CLSTN2: variants seen among roughly 807,000 people sequenced by gnomAD.
The protein encoded by CLSTN2 is calsyntenin-2.
In CLSTN2, 48 loss-of-function variants were observed where a neutral mutation model predicts 101.2. The observed-to-expected ratio is 0.47, with a 90% CI of 0.38 to 0.60. The LOEUF (loss-of-function observed/expected upper bound fraction) is 0.60, where lower values mean the gene tolerates loss of function less well. CLSTN2 is among the 20% of genes least tolerant of loss of function. CLSTN2 has a pLI of 0.00. For missense variants in CLSTN2, 1,160 were observed against 1,238.2 expected (o/e 0.94, Z 0.95); for synonymous variants, 481 against 463.6 (o/e 1.04, Z -0.48).
At chr3:140,549,509 A>G (rs1935667613) in intron 10 of CLSTN2, among the ~76,000 whole-genome samples, 1 of 150,882 alleles carries the variant, frequency 6.6e-6, no homozygotes, top group Non-Finnish European at 1.5e-5. Context: ...TAAGACGCCC[A>G]ATTTATGGAG....
chr3:140,448,599 G>A lies in CLSTN2; in HGVS notation c.868G>A (p.Gly290Arg). The A allele has an allele frequency of 6.2e-6, 10 of 1,614,130 alleles. No homozygotes were observed. Among genetic ancestry groups the A allele is most frequent in the Non-Finnish European group, 8.5e-6 (10 of 1,179,998 alleles). ...CAGCATCCACCTGGAGACGTGCGAT[G>A]GAGCCGTGTCTTCCCTCCAGATCGT... is the stretch of plus-strand genomic sequence containing the variant. ...FPSIHLETCD[G>R]AVSSLQIVTE... The change falls in exon 6 of 17, where the codon GGA becomes AGA. Residue 290 changes from glycine to arginine, a missense_variant. Transcript: ENST00000458420.
chr3:140,038,693 A>C (rs1347185954), intron 1 of CLSTN2, among the ~76,000 whole-genome samples: 1 of 152,140 alleles, frequency 6.6e-6, no homozygotes, highest in Non-Finnish European at 1.5e-5. Flanking sequence ...CTATCATGAA[A>C]TATTTAGTCA....
At chr3:140,279,321 G>A (rs1473512641) in intron 2 of CLSTN2, among the ~76,000 whole-genome samples, 5 of 152,224 alleles carry the variant, frequency 3.3e-5, no homozygotes, top group African/African-American at 7.2e-5. Flanking sequence ...CATCTGGACA[G>A]TGTCCAAGTC....
chr3:140,523,100 T>C (rs1383184624), intron 8 of CLSTN2, among the ~76,000 whole-genome samples: 1 of 152,118 alleles, frequency 6.6e-6, no homozygotes, highest in Admixed American at 6.5e-5. Context: ...TTCTACGGCA[T>C]GTGAACTGTG....
At chr3:140,068,888 TG>T (rs1436007625) in intron 1 of CLSTN2, among the ~76,000 whole-genome samples, 1 of 152,244 alleles carries the variant, frequency 6.6e-6, no homozygotes, top group Non-Finnish European at 1.5e-5. Flanking sequence ...AACATCATAC[TG>T]TCTGGTTCAG....
At chr3:140,416,089 G>A (rs1437905936) in intron 4 of CLSTN2, among the ~76,000 whole-genome samples, 1 of 152,192 alleles carries the variant, frequency 6.6e-6, no homozygotes, top group African/African-American at 2.4e-5. Flanking sequence ...GTTATGCTAA[G>A]TGAAATATCC....
intron 6 of CLSTN2, among the ~76,000 whole-genome samples, chr3:140,455,485 T>C (rs998577159): frequency 2.6e-5 from 4 of 152,196 alleles, no homozygotes; most frequent in African/African-American, 9.7e-5. Flanking sequence ...TGTGTCTGTA[T>C]CTATTTTCTG....
chr3:140,083,948 G>C (rs184358873), intron 1 of CLSTN2, among the ~76,000 whole-genome samples: 1 of 152,160 alleles, frequency 6.6e-6, no homozygotes, highest in African/African-American at 2.4e-5. Context: ...AGCATCAAAA[G>C]TGGACTCCTG....
At chr3:140,250,021 T>G (rs916108048) in intron 2 of CLSTN2, among the ~76,000 whole-genome samples, 6 of 152,194 alleles carry the variant, frequency 3.9e-5, no homozygotes, top group Admixed American at 1.3e-4. Flanking sequence ...TCATTTCAAT[T>G]TAAGAAATTG....
At chr3:140,291,399 C>A (rs545388391) in intron 2 of CLSTN2, among the ~76,000 whole-genome samples, 1 of 151,902 alleles carries the variant, frequency 6.6e-6, no homozygotes, top group Non-Finnish European at 1.5e-5. Flanking sequence ...TCCCCTCCCC[C>A]CCCAACTTTC....
At chr3:140,215,805 T>C (rs937425427) in intron 2 of CLSTN2, among the ~76,000 whole-genome samples, 3 of 152,230 alleles carry the variant, frequency 2.0e-5, no homozygotes, top group Non-Finnish European at 4.4e-5. Context: ...TTAATTCATA[T>C]AAAATGCTTA....
intron 1 of CLSTN2, among the ~76,000 whole-genome samples, chr3:140,039,284 AG>A (rs2007716510): frequency 6.6e-6 from 1 of 152,148 alleles, no homozygotes; most frequent in South Asian, 2.1e-4. Context: ...TTCTGGGTCC[AG>A]GGGGTAGAAC....
At chr3:140,510,499 G>A (rs187031) in intron 8 of CLSTN2, among the ~76,000 whole-genome samples, 7 of 152,036 alleles carry the variant, frequency 4.6e-5, no homozygotes, top group Non-Finnish European at 1.0e-4. Context: ...TTCCATGCTC[G>A]AAGCACAAAT....
At chr3:140,139,504 TA>T (rs2009664427) in intron 1 of CLSTN2, among the ~76,000 whole-genome samples, 1 of 152,164 alleles carries the variant, frequency 6.6e-6, no homozygotes, top group Non-Finnish European at 1.5e-5. Context: ...TGAGGAGCTT[TA>T]AAAACTCTTC....
At chr3:140,228,899 G>A (rs2086347300) in intron 2 of CLSTN2, among the ~76,000 whole-genome samples, 1 of 152,146 alleles carries the variant, frequency 6.6e-6, no homozygotes, top group South Asian at 2.1e-4. Flanking sequence ...CACAACACAT[G>A]GGAAGTCAAG....
chr3:139,960,700 A>C (rs1487213697), intron 1 of CLSTN2, among the ~76,000 whole-genome samples: 1 of 152,284 alleles, frequency 6.6e-6, no homozygotes, highest in African/African-American at 2.4e-5. Context: ...AGGTTCAACC[A>C]TGTTAGAATA....
At chr3:140,313,771 G>A (rs1452627237) in intron 2 of CLSTN2, among the ~76,000 whole-genome samples, 1 of 152,204 alleles carries the variant, frequency 6.6e-6, no homozygotes, top group Non-Finnish European at 1.5e-5. Flanking sequence ...GTGACACAAA[G>A]CGCAGTGCAC....
Position 140,536,120 on chromosome 3 carries a change from T to TA in CLSTN2, c.1507+3642dup, listed in dbSNP as rs112885962. Among the ~76,000 whole-genome samples the TA allele has an allele frequency of 3.0e-4, 46 of 151,970 alleles. 2 individuals carry two copies. Among genetic ancestry groups the TA allele is most frequent in the Non-Finnish European group, 3.2e-4 (22 of 67,928 alleles). On this transcript the variant is annotated intron_variant, in intron 9 of 16. Coordinates refer to ENST00000458420, the MANE Select transcript of CLSTN2 (RefSeq NM_022131.3). ...AATAAAAGAGTTTCAGCTTTGGGGT[T>TA]AAAAAAAAGTGACCTCAAATCAAAT...
intron 1 of CLSTN2, among the ~76,000 whole-genome samples, chr3:140,079,407 T>C (rs2008547522): frequency 2.0e-5 from 3 of 152,100 alleles, no homozygotes; most frequent in African/African-American, 7.2e-5. Context: ...TCTCTAGAAA[T>C]ACTCAAGCAA....
Sources: allele counts gnomAD v4.1 joint callset (sites outside exome capture counted in the v4.1 genomes callset), GRCh38; gene constraint gnomAD v4.1.1; transcripts MANE v1.5; gene names NCBI Gene and HGNC (gene_info 2026-07-23, HGNC 2026-07-21).